The following ANO6 variants were observed in gnomAD, a reference collection of about 807,000 sequenced individuals.
ANO6 encodes anoctamin 6.
A neutral mutation model predicts 117.5 loss-of-function variants in ANO6; 106 were observed. The ratio of observed to expected loss-of-function variants is 0.90; its 90% CI spans 0.77 to 1.06. The LOEUF is 1.06. Among genes scored for constraint, ANO6 ranks in the 50% least tolerant of loss-of-function variants. ANO6 has a pLI of 0.00. For synonymous variants in ANO6, 367 were observed against 385.1 expected (o/e 0.95, Z 0.55); for missense variants, 955 against 1,121.1 (o/e 0.85, Z 2.12).
intron 1 of ANO6, among the ~76,000 whole-genome samples, chr12:45,257,116 C>G (rs982756143): frequency 6.6e-6 from 1 of 152,154 alleles, no homozygotes; most frequent in African/African-American, 2.4e-5. Flanking sequence ...ATTATAACTT[C>G]TATTGCTCTC....
chr12:45,309,039 G>A (rs1200528294), intron 2 of ANO6, among the ~76,000 whole-genome samples: 2 of 152,108 alleles, frequency 1.3e-5, no homozygotes, highest in East Asian at 3.9e-4. Context: ...TGTAGTTGTG[G>A]TCAGAAAGAG....
chr12:45,374,904 A>G (rs1315994465), intron 9 of ANO6, among the ~76,000 whole-genome samples: 3 of 152,074 alleles, frequency 2.0e-5, no homozygotes, highest in Non-Finnish European at 4.4e-5. Context: ...GGAAAAGAGG[A>G]AGTCAAATTG....
chr12:45,413,793 C>T (rs1943147440), intron 16 of ANO6, among the ~76,000 whole-genome samples: 1 of 147,872 alleles, frequency 6.8e-6, no homozygotes, highest in African/African-American at 2.6e-5. Context: ...GAGCCAGCAC[C>T]TACACAAGTC....
intron 1 of ANO6, among the ~76,000 whole-genome samples, chr12:45,274,485 C>T (rs1200599416): frequency 6.6e-6 from 1 of 152,076 alleles, no homozygotes; most frequent in Non-Finnish European, 1.5e-5. Context: ...CCCAACATCC[C>T]CTGCGCCCAC....
chr12:45,375,341 T>C (rs890419739), intron 9 of ANO6, among the ~76,000 whole-genome samples: 2 of 152,152 alleles, frequency 1.3e-5, no homozygotes, highest in Non-Finnish European at 2.9e-5. Context: ...CTTCACAGAA[T>C]TGGAAAAAAC....
intron 19 of ANO6, among the ~76,000 whole-genome samples, chr12:45,424,023 C>A (rs1020336420): frequency 1.4e-5 from 2 of 142,146 alleles, no homozygotes; most frequent in East Asian, 4.1e-4. Flanking sequence ...TATACTAGTT[C>A]TTTTTTTTTT....
Position 45,430,374 on chromosome 12 carries a change from T to G in ANO6, c.*1063T>G, listed in dbSNP as rs1028595766. ...GAAACAGCAAGTGCCCTCATTGTGG[T>G]CATTGGGTGGGGAGTGCCTTTTGTC... On this transcript the variant is annotated 3_prime_UTR_variant, in exon 20 of 20. Coordinates refer to ENST00000320560, the MANE Select transcript of ANO6 (RefSeq NM_001025356.3). The G allele has an allele frequency of 2.0e-5, 20 of 985,300 alleles. No homozygotes were observed. The highest frequency in any genetic ancestry group is 2.2e-5 in the Non-Finnish European group (18 of 829,974). The allele number at this position is 985,300 out of a possible 1,614,324, so 61.0% of individuals were successfully genotyped here.
In ANO6 at chr12:45,402,039, T is replaced by G; in HGVS notation, c.1612+19T>G. On this transcript the variant is annotated intron_variant, in intron 13 of 19. Coordinates refer to ENST00000320560, the MANE Select transcript of ANO6 (RefSeq NM_001025356.3). ...AACTTCGGTAAGGTCCTACTATAGC[T>G]TAGGTAACTTCTGACATATTTTTAG... 6.3e-7 allele frequency: 1 copy of G among 1,599,114 alleles called. No homozygotes were observed.
At chr12:45,390,181 G>T (rs765336103) in intron 11 of ANO6, among the ~76,000 whole-genome samples, 19 of 152,132 alleles carry the variant, frequency 1.2e-4, no homozygotes, top group Non-Finnish European at 2.5e-4. Context: ...TCGGGTCGTG[G>T]CCGATAAACA....
Position 45,416,825 on chromosome 12 carries a change from T to A in ANO6, c.2138T>A (p.Leu713Gln). 4 of 1,614,172 alleles carry A rather than the reference T, an allele frequency of 2.5e-6. No homozygotes were observed. Among genetic ancestry groups the A allele is most frequent in the Non-Finnish European group, 3.4e-6 (4 of 1,180,030 alleles). ...AAACTGACCACCCAGTTTAGACGCC[T>A]GGTACCAGAGAAAGCCCAAGACATT... ...AWKLTTQFRR[L>Q]VPEKAQDIGA... The change falls in exon 17 of 20, where the codon CTG becomes CAG. Residue 713 changes from leucine (L) to glutamine (Q), a missense_variant. Physicochemically the swap from Leu to Gln is moderately radical, Grantham distance 113. Coordinates refer to ENST00000320560, the MANE Select transcript of ANO6 (RefSeq NM_001025356.3).
At chr12:45,318,885 T>C (rs111947940) in intron 2 of ANO6, among the ~76,000 whole-genome samples, 2,388 of 152,298 alleles carry the variant, frequency 0.016, 53 homozygotes, top group African/African-American at 0.053. Flanking sequence ...GAAGCAATTG[T>C]GAATGGGAGT....
rs1938355618 is a variant in ANO6, at chr12:45,270,388, CCTG to C, written c.71-31623_71-31621del. The C allele has an allele frequency of 2.1e-6, 3 of 1,447,270 alleles. No individual in the cohort carries two copies. In the Admixed American group the frequency reaches 7.2e-5, roughly 35 times the overall value. The allele number at this position is 1,447,270 out of a possible 1,614,324, so 89.7% of individuals were successfully genotyped here. On this transcript the variant is annotated intron_variant, in intron 1 of 19. Transcript: ENST00000320560. Reference sequence around the variant, plus strand: ...TACAGAGGCAGGTCTGATGCCGCCTCCTGCTCTGTCTGCAGCCTAACACCATCC... The same window carrying C: ...TACAGAGGCAGGTCTGATGCCGCCTCCTCTGTCTGCAGCCTAACACCATCC...
At chr12:45,320,369 G>C (rs1450171168) in intron 2 of ANO6, among the ~76,000 whole-genome samples, 2 of 151,856 alleles carry the variant, frequency 1.3e-5, no homozygotes. Context: ...CCTTCATTTC[G>C]TTATGTACCC....
At chr12:45,334,498 T>C (rs1486291822) in intron 3 of ANO6, among the ~76,000 whole-genome samples, 1 of 152,054 alleles carries the variant, frequency 6.6e-6, no homozygotes, top group Non-Finnish European at 1.5e-5. Flanking sequence ...GAATGCCCCT[T>C]CTCAGGGCTG....
chr12:45,365,374 A>G (rs1266968440), intron 8 of ANO6, among the ~76,000 whole-genome samples: 2 of 152,152 alleles, frequency 1.3e-5, no homozygotes, highest in African/African-American at 4.8e-5. Flanking sequence ...CTCATTTCCT[A>G]ATTTTTCCTT....
At chr12:45,259,635 G>A (rs1314346595) in intron 1 of ANO6, among the ~76,000 whole-genome samples, 1 of 152,190 alleles carries the variant, frequency 6.6e-6, no homozygotes, top group Non-Finnish European at 1.5e-5. Flanking sequence ...CCTCCTTTCA[G>A]CAAACAGGCT....
chr12:45,368,855 A>T (rs185109762), intron 9 of ANO6, among the ~76,000 whole-genome samples: 61 of 152,246 alleles, frequency 4.0e-4, no homozygotes, highest in African/African-American at 1.3e-3. Context: ...TATACTTACC[A>T]CTTTTGACAT....
chr12:45,239,171 T>C (rs1049545958), intron 1 of ANO6, among the ~76,000 whole-genome samples: 1 of 152,256 alleles, frequency 6.6e-6, no homozygotes, highest in Non-Finnish European at 1.5e-5. Context: ...CATCTGGTCC[T>C]GGACTTTTTT....
intron 9 of ANO6, among the ~76,000 whole-genome samples, chr12:45,376,627 TCA>T (rs1942027711): frequency 6.8e-6 from 1 of 148,136 alleles, no homozygotes; most frequent in African/African-American, 2.5e-5. Context: ...CCGCATATTC[TCA>T]CTCATAGGTA....
Sources: gnomAD v4.1 joint callset for allele counts (sites outside exome capture counted in the v4.1 genomes callset) on GRCh38, gnomAD v4.1.1 for gene constraint, MANE v1.5 for transcripts, NCBI Gene and HGNC (gene_info 2026-07-23, HGNC 2026-07-21) for gene names.